The following EPS15L1 variants were observed in gnomAD, a reference collection of about 807,000 sequenced individuals.
The protein encoded by EPS15L1 is epidermal growth factor receptor substrate 15-like 1.
EPS15L1 carries 43 observed loss-of-function variants against 117.1 expected under a neutral mutation model. The observed-to-expected ratio is 0.37, with a 90% CI of 0.29 to 0.47. The LOEUF is 0.47. EPS15L1 is among the 20% of genes least tolerant of loss of function. The pLI, the probability that EPS15L1 is intolerant of heterozygous loss-of-function variation, is 0.99. For missense variants in EPS15L1, 981 were observed against 1,164.0 expected (o/e 0.84, Z 2.29); for synonymous variants, 459 against 470.5 (o/e 0.98, Z 0.32).
chr19:16,392,273 G>C, intron 19 of EPS15L1, 31 bp downstream of exon 19: 1 of 1,613,370 alleles, frequency 6.2e-7, no homozygotes, highest in Non-Finnish European at 8.5e-7. Flanking sequence ...CAGGCACGCA[G>C]CTCTCCCGGG....
chr19:16,464,245 G>A (rs2093279365), intron 1 of EPS15L1, among the ~76,000 whole-genome samples: 1 of 152,238 alleles, frequency 6.6e-6, no homozygotes, highest in South Asian at 2.1e-4. Flanking sequence ...AAAGCTTGTA[G>A]TATCAAGAGC....
chr19:16,382,748 A>T (rs2092376970), intron 21 of EPS15L1, among the ~76,000 whole-genome samples: 1 of 152,006 alleles, frequency 6.6e-6, no homozygotes, highest in Admixed American at 6.6e-5. Flanking sequence ...CATAGGCTTG[A>T]TACTGTCTAG....
chr19:16,373,166 G>A (rs1443644662), intron 22 of EPS15L1, among the ~76,000 whole-genome samples: 1 of 152,190 alleles, frequency 6.6e-6, no homozygotes, highest in African/African-American at 2.4e-5. Context: ...GACAGCCTAT[G>A]GGTCCTTCAG....
At chr19:16,420,811 GC>G (rs1220251828) in intron 10 of EPS15L1, among the ~76,000 whole-genome samples, 2 of 152,156 alleles carry the variant, frequency 1.3e-5, no homozygotes, top group African/African-American at 4.8e-5. Context: ...AGGGGTTGAG[GC>G]CGACTCCTCG....
At chr19:16,407,506 A>T (rs565785013) in intron 13 of EPS15L1, among the ~76,000 whole-genome samples, 47 of 151,946 alleles carry the variant, frequency 3.1e-4, no homozygotes, top group African/African-American at 1.1e-3. Flanking sequence ...TTGTATTTTT[A>T]GTATAGACTG....
chr19:16,434,416 T>C lies in EPS15L1; in HGVS notation c.447A>G (p.Lys149=), dbSNP rs1463362986. 3 of 1,614,082 alleles carry C rather than the reference T, an allele frequency of 1.9e-6. No homozygotes were observed. Among genetic ancestry groups the C allele is most frequent in the East Asian group, 2.2e-5 (1 of 44,902 alleles). The part of the protein sequence containing the change: ...LPINGLLSGD[K]VKPVLMNSKL... ...TTGAGTTCATGAGGACTGGCTTGAC[T>C]TTGTCTCCAGAGAGCAAACCATTGA... Residue 149 remains lysine, a synonymous_variant, in exon 7 of 24, where the codon AAA becomes AAG. Transcript: ENST00000455140.
intron 16 of EPS15L1, among the ~76,000 whole-genome samples, chr19:16,395,813 C>T (rs1009606513): frequency 7.9e-5 from 12 of 152,030 alleles, no homozygotes; most frequent in Non-Finnish European, 1.5e-4. Flanking sequence ...GGTGTTGTGC[C>T]GGGCACCTGT....
intron 1 of EPS15L1, among the ~76,000 whole-genome samples, chr19:16,455,606 T>C (rs2093187887): frequency 6.6e-6 from 1 of 152,202 alleles, no homozygotes; most frequent in African/African-American, 2.4e-5. Flanking sequence ...AGAAGCTGTC[T>C]CATGTGGAGG....
Position 16,355,683 on chromosome 19 carries a change from C to A in EPS15L1, c.*22G>T. ...TCTCTGGAACCCGCCCGTGCCCTGT[C>A]CCGCCTACACACGGCCCTCGCCTAG... On this transcript the variant is annotated 3_prime_UTR_variant, in exon 24 of 24. Transcript: ENST00000455140. 1 of 1,532,876 alleles carries A rather than the reference C, an allele frequency of 6.5e-7. No individual in the cohort carries two copies. Among genetic ancestry groups the A allele is most frequent in the South Asian group, 1.2e-5 (1 of 83,832 alleles). The allele number at this position is 1,532,876 out of a possible 1,614,324, so 95.0% of individuals were successfully genotyped here.
intron 1 of EPS15L1, among the ~76,000 whole-genome samples, chr19:16,470,719 T>C (rs933341757): frequency 3.3e-5 from 5 of 152,116 alleles, no homozygotes; most frequent in South Asian, 2.1e-4. Context: ...TAACCAGTCA[T>C]GCAAGCATGC....
Position 16,355,648 on chromosome 19 carries a change from C to T in EPS15L1, c.*57G>A. 1 of 1,515,644 alleles carries T rather than the reference C, an allele frequency of 6.6e-7. No individual in the cohort carries two copies. The highest frequency in any genetic ancestry group is 8.8e-7 in the Non-Finnish European group (1 of 1,133,390). 93.9% of individuals were successfully genotyped at this position (1,515,644 alleles called of 1,614,324 possible). A position where few individuals can be genotyped will look rare whatever the true frequency, so the allele number is the denominator to read the frequency against. ...GTGTGTGTGTATATATAGACATCTG[C>T]ACTGCCCCCTCTCTGGAACCCGCCC... On this transcript the variant is annotated 3_prime_UTR_variant, in exon 24 of 24. Coordinates refer to ENST00000455140, the MANE Select transcript of EPS15L1 (RefSeq NM_001258374.3).
chr19:16,356,823 C>T (rs2091986021), intron 23 of EPS15L1: 1 of 152,192 alleles, frequency 6.6e-6, no homozygotes, highest in Non-Finnish European at 1.5e-5. Flanking sequence ...ACAAGCTCCT[C>T]CCCCAGGGTG....
intron 21 of EPS15L1, among the ~76,000 whole-genome samples, chr19:16,382,339 C>T (rs1480072629): frequency 1.3e-5 from 2 of 152,158 alleles, no homozygotes; most frequent in African/African-American, 2.4e-5. Flanking sequence ...ACTCGGGCAG[C>T]GGCTTCAAGG....
chr19:16,387,939 A>AC (rs1170257982), intron 19 of EPS15L1, among the ~76,000 whole-genome samples: 1 of 152,240 alleles, frequency 6.6e-6, no homozygotes, highest in African/African-American at 2.4e-5. Flanking sequence ...TGGGACAATA[A>AC]CAAAGGGTCT....
chr19:16,451,944 C>A (rs2093147903), intron 1 of EPS15L1, among the ~76,000 whole-genome samples: 1 of 151,694 alleles, frequency 6.6e-6, no homozygotes, highest in Non-Finnish European at 1.5e-5. Context: ...CAAGACCAGC[C>A]TGGCCAACAT....
At chr19:16,394,424 C>G (rs2092518060) in intron 17 of EPS15L1, among the ~76,000 whole-genome samples, 2 of 152,146 alleles carry the variant, frequency 1.3e-5, no homozygotes, top group Non-Finnish European at 1.5e-5. Context: ...CGGCGGCACC[C>G]CTGGGCTTCA....
At position 16,377,895 on chromosome 19, in the gene EPS15L1, C is replaced by A. The variant is rs561712676; in HGVS notation, c.2248-641G>T. Among the ~76,000 whole-genome samples the A allele has an allele frequency of 3.6e-4, 55 of 152,330 alleles. No homozygotes were observed. In the South Asian group the frequency reaches 3.9e-3, roughly 11 times the overall value. On this transcript the variant is annotated intron_variant, in intron 21 of 23. Coordinates refer to ENST00000455140, the MANE Select transcript of EPS15L1 (RefSeq NM_001258374.3). ...GGCTCTGACCACCTCTGGCCCGGACCCTCGGTCAGCCTCCATCACACCCAT... is the reference window on the plus strand; with the variant it reads ...GGCTCTGACCACCTCTGGCCCGGACACTCGGTCAGCCTCCATCACACCCAT...
At chr19:16,400,896 A>T in intron 16 of EPS15L1, 1 of 985,434 alleles carries the variant, frequency 1.0e-6, no homozygotes, top group South Asian at 4.7e-5. Flanking sequence ...AACCTGCAAA[A>T]GGGACATTTA....
chr19:16,463,883 T>A (rs1454446094), intron 1 of EPS15L1, among the ~76,000 whole-genome samples: 1 of 152,182 alleles, frequency 6.6e-6, no homozygotes, highest in African/African-American at 2.4e-5. Flanking sequence ...ATGAAGGGTT[T>A]GGAAAGAGCA....
Sources: allele counts gnomAD v4.1 joint callset (sites outside exome capture counted in the v4.1 genomes callset), GRCh38; gene constraint gnomAD v4.1.1; transcripts MANE v1.5; gene names NCBI Gene and HGNC (gene_info 2026-07-23, HGNC 2026-07-21).